The following GRHL2 variants were observed in gnomAD, a reference collection of about 807,000 sequenced individuals.
GRHL2 encodes grainyhead-like protein 2 homolog.
In GRHL2, 21 loss-of-function variants were observed where a neutral mutation model predicts 83.8. The ratio of observed to expected loss-of-function variants is 0.25; its 90% CI spans 0.18 to 0.36. GRHL2 has a LOEUF of 0.36. Among genes scored for constraint, GRHL2 ranks in the 10% least tolerant of loss-of-function variants. The pLI is 1.00. For synonymous variants in GRHL2, 280 were observed against 278.9 expected (o/e 1.00, Z -0.04); for missense variants, 623 against 781.8 (o/e 0.80, Z 2.42).
intron 7 of GRHL2, among the ~76,000 whole-genome samples, chr8:101,580,607 T>C (rs945368106): frequency 2.2e-4 from 34 of 152,224 alleles, no homozygotes; most frequent in Admixed American, 2.2e-3. Context: ...GGAAGAATTT[T>C]ACGCAAGATC....
chr8:101,550,013 C>G lies in GRHL2; in HGVS notation c.217-2702C>G, dbSNP rs543467442. Among the ~76,000 whole-genome samples the G allele has an allele frequency of 2.8e-4, 43 of 152,028 alleles. No individual in the cohort carries two copies. In the South Asian group the frequency reaches 8.3e-3, roughly 29 times the overall value. ...ACTCAGGGTATAGTGGCAGGCAGAG[C>G]TGGGGAGGCAGGTCTCCTTTTTTCT... On this transcript the variant is annotated intron_variant, in intron 2 of 15. Coordinates refer to ENST00000646743, the MANE Select transcript of GRHL2 (RefSeq NM_024915.4).
chr8:101,576,923 TC>T (rs1811944528), intron 6 of GRHL2, among the ~76,000 whole-genome samples: 1 of 152,346 alleles, frequency 6.6e-6, no homozygotes, highest in East Asian at 1.9e-4. Context: ...AGCATTTTCC[TC>T]ATTTCCTTAG....
chr8:101,493,410 C>A (rs866711160), intron 1 of GRHL2, among the ~76,000 whole-genome samples: 1 of 151,810 alleles, frequency 6.6e-6, no homozygotes. Flanking sequence ...CCCACTCCCT[C>A]GACATCCCGC....
chr8:101,626,238 C>G (rs190587201), intron 9 of GRHL2, among the ~76,000 whole-genome samples: 2 of 152,038 alleles, frequency 1.3e-5, no homozygotes, highest in African/African-American at 2.4e-5. Flanking sequence ...GCACTATTTA[C>G]AGTTCTCCAG....
intron 1 of GRHL2, among the ~76,000 whole-genome samples, chr8:101,502,858 T>G (rs1237559022): frequency 6.6e-6 from 1 of 152,058 alleles, no homozygotes; most frequent in Admixed American, 6.6e-5. Flanking sequence ...TTTCTCCCCC[T>G]TCTCCCTTTC....
intron 3 of GRHL2, among the ~76,000 whole-genome samples, chr8:101,556,399 T>G (rs552900425): frequency 1.3e-4 from 20 of 152,166 alleles, no homozygotes; most frequent in Non-Finnish European, 2.8e-4. Context: ...CTCTCCACAT[T>G]ACTCAGAAGA....
At chr8:101,550,357 T>G (rs1480219919) in intron 2 of GRHL2, among the ~76,000 whole-genome samples, 1 of 152,146 alleles carries the variant, frequency 6.6e-6, no homozygotes, top group East Asian at 1.9e-4. Context: ...CCTGCATCCC[T>G]GCCTTAGTAG....
chr8:101,513,105 A>G (rs904270629), intron 1 of GRHL2, among the ~76,000 whole-genome samples: 1 of 152,118 alleles, frequency 6.6e-6, no homozygotes, highest in African/African-American at 2.4e-5. Flanking sequence ...CAATCAATAA[A>G]TTTCCTAATT....
chr8:101,582,165 G>A (rs1018763103), intron 7 of GRHL2, among the ~76,000 whole-genome samples: 13 of 151,348 alleles, frequency 8.6e-5, no homozygotes, highest in Admixed American at 5.3e-4. Flanking sequence ...TTGAACCCAG[G>A]AGGTGGAGGT....
chr8:101,655,509 A>C (rs1158874329), intron 14 of GRHL2, among the ~76,000 whole-genome samples: 1 of 152,198 alleles, frequency 6.6e-6, no homozygotes, highest in Non-Finnish European at 1.5e-5. Context: ...TTTCTGGATT[A>C]TTCTTCTTAT....
At chr8:101,521,779 A>T (rs1399099041) in intron 1 of GRHL2, among the ~76,000 whole-genome samples, 1 of 152,092 alleles carries the variant, frequency 6.6e-6, no homozygotes, top group East Asian at 1.9e-4. Flanking sequence ...GGCCGATTAT[A>T]AAAAAAAGTT....
At chr8:101,577,350 G>T in intron 6 of GRHL2, 58 bp from the exon 7 acceptor site, 1 of 1,050,942 alleles carries the variant, frequency 9.5e-7, no homozygotes, top group Non-Finnish European at 1.5e-6. Flanking sequence ...CAGAACTGGA[G>T]ACTGAGGCAA....
intron 8 of GRHL2, among the ~76,000 whole-genome samples, chr8:101,605,385 A>G (rs1812613221): frequency 6.6e-6 from 1 of 151,972 alleles, no homozygotes; most frequent in African/African-American, 2.4e-5. Context: ...CATGCTGTTG[A>G]CTCTCCCAAT....
At position 101,611,468 on chromosome 8, in the gene GRHL2, C is replaced by T. The variant is rs186393874; in HGVS notation, c.1099-8071C>T. Among the ~76,000 whole-genome samples the T allele has an allele frequency of 1.2e-3, 186 of 150,898 alleles. 16 individuals are homozygous for T. The highest frequency in any genetic ancestry group is 4.1e-3 in the African/African-American group (164 of 40,326). On this transcript the variant is annotated intron_variant, in intron 8 of 15. Transcript: ENST00000646743. The stretch of plus-strand genomic sequence containing the variant: ...CACCTCCTTCATCTCAGAAGTGCCC[C>T]GCTGCTTGGACAGCTGCCCACTCCC...
At chr8:101,673,279 C>G (rs1310280645), downstream of GRHL2, among the ~76,000 whole-genome samples, 3 of 151,982 alleles carry the variant, frequency 2.0e-5, no homozygotes, top group Non-Finnish European at 4.4e-5. Flanking sequence ...GAGTCAAGAC[C>G]CATCTGTGTG....
intron 1 of GRHL2, among the ~76,000 whole-genome samples, chr8:101,513,950 A>G (rs765217419): frequency 6.6e-6 from 1 of 152,130 alleles, no homozygotes; most frequent in Non-Finnish European, 1.5e-5. Flanking sequence ...TAACCTTTCA[A>G]TGTCTTCTAT....
At position 101,629,749 on chromosome 8, in the gene GRHL2, A is replaced by C. The variant is rs139912085; in HGVS notation, c.1258-1888A>C. ...CCAAGAAAAAAATATTTCCTATCAC[A>C]GACTTTAGTATTTTGAAGAACCCCT... On this transcript the variant is annotated intron_variant, in intron 9 of 15. Transcript: ENST00000646743. Among the ~76,000 whole-genome samples the C allele has an allele frequency of 9.0e-3, 1,371 of 152,264 alleles. 19 individuals carry two copies. Among genetic ancestry groups the C allele is most frequent in the East Asian group, 0.049 (255 of 5,186 alleles).
At position 101,581,314 on chromosome 8, in the gene GRHL2, G is replaced by A. The variant is rs181521749; in HGVS notation, c.1003+3795G>A. On this transcript the variant is annotated intron_variant, in intron 7 of 15. Transcript: ENST00000646743. ...CAGGGGAAGAAAACATTAGCAATGAGCTCTAACTTGAGGTAAGTAAACCAA... is the reference window on the plus strand; with the variant it reads ...CAGGGGAAGAAAACATTAGCAATGAACTCTAACTTGAGGTAAGTAAACCAA... Among the ~76,000 whole-genome samples the A allele has an allele frequency of 8.5e-5, 13 of 152,332 alleles. No homozygotes were observed. In the East Asian group the frequency reaches 2.5e-3, roughly 29 times the overall value.
At chr8:101,510,629 A>G (rs1810442354) in intron 1 of GRHL2, among the ~76,000 whole-genome samples, 1 of 152,192 alleles carries the variant, frequency 6.6e-6, no homozygotes, top group African/African-American at 2.4e-5. Context: ...TAAAAAATAT[A>G]TGTTATTACA....
Sources: allele counts gnomAD v4.1 joint callset (sites outside exome capture counted in the v4.1 genomes callset), GRCh38; gene constraint gnomAD v4.1.1; transcripts MANE v1.5; gene names NCBI Gene and HGNC (gene_info 2026-07-23, HGNC 2026-07-21).